Variants in GOLGA1 observed in about 807,000 individuals in gnomAD.
GOLGA1 encodes golgin A1.
In GOLGA1, 63 loss-of-function variants were observed where a neutral mutation model predicts 119.7. The ratio of observed to expected loss-of-function variants is 0.53; its 90% CI spans 0.43 to 0.65. GOLGA1 has a LOEUF of 0.65. Among genes scored for constraint, GOLGA1 ranks in the 30% least tolerant of loss-of-function variants. The pLI, the probability that GOLGA1 is intolerant of heterozygous loss-of-function variation, is 0.00. For missense variants in GOLGA1, 798 were observed against 912.8 expected, an observed-to-expected ratio of 0.87 and a Z score of 1.62; for synonymous variants, 318 against 333.4, an observed-to-expected ratio of 0.95 and a Z score of 0.50.
Position 124,889,551 on chromosome 9 carries a change from TC to T in GOLGA1, c.1498-16del, listed in dbSNP as rs777457162. On this transcript the variant is annotated splice_polypyrimidine_tract_variant and intron_variant, in intron 16 of 22. Transcript: ENST00000373555. ...AGGTTAGCTGCCTTGGAGAGAAAAA[TC>T]AACAAGAGGGAAGGTTGTGAGCAGT... The T allele has an allele frequency of 6.5e-7, 1 of 1,529,478 alleles. No homozygotes were observed. 94.7% of individuals were successfully genotyped at this position (1,529,478 alleles called of 1,614,324 possible).
chr9:124,911,997 G>A lies in GOLGA1; in HGVS notation c.873C>T (p.Asp291=), dbSNP rs111383144. The part of the protein sequence containing the change: ...KVTAETQEKE[D]VITHLQEKVA... ...CCTTCTCTTGCAAATGTGTGATAAC[G>A]TCTTCTTTCTCTTGAGTTTCAGCAG... The change falls in exon 11 of 23, where the codon GAC becomes GAT. Residue 291 remains aspartate (D), a synonymous_variant. Coordinates refer to ENST00000373555, the MANE Select transcript of GOLGA1 (RefSeq NM_002077.4). 9.9e-6 allele frequency: 16 copies of A among 1,612,848 alleles called. 1 individual carries two copies. In the African/African-American group the frequency reaches 1.2e-4, roughly 12 times the overall value.
At chr9:124,921,386 G>T (rs991213694) in intron 9 of GOLGA1, 146 bp from the exon 10 acceptor site, 4 of 639,918 alleles carry the variant, frequency 6.3e-6, no homozygotes, top group Non-Finnish European at 1.1e-5. Flanking sequence ...AAAAAGCCTC[G>T]GCTCTCTCTG....
chr9:124,884,695 A>G (rs1342101969), intron 19 of GOLGA1, among the ~76,000 whole-genome samples: 1 of 152,142 alleles, frequency 6.6e-6, no homozygotes, highest in African/African-American at 2.4e-5. Flanking sequence ...GTAAAATGGC[A>G]CCTTGTGGCT....
chr9:124,899,452 A>G lies in GOLGA1; in HGVS notation c.1188T>C (p.His396=). 2.6e-6 allele frequency: 4 copies of G among 1,547,914 alleles called. No individual in the cohort carries two copies. Among genetic ancestry groups the G allele is most frequent in the East Asian group, 2.4e-5 (1 of 41,302 alleles). ...ELAAANQESS[H]VQQQALALEQ... is the part of the protein sequence containing the mutation. ...CCAGAGCAAGGGCCTGCTGCTGCAC[A>G]TGGCTGCTCTCCTGGTTGGCGGCAG... Residue 396 remains histidine, a synonymous_variant, in exon 14 of 23, where the codon CAT becomes CAC. Transcript: ENST00000373555.
chr9:124,930,311 G>A (rs1198858596), intron 4 of GOLGA1, among the ~76,000 whole-genome samples: 1 of 152,144 alleles, frequency 6.6e-6, no homozygotes, highest in Non-Finnish European at 1.5e-5. Flanking sequence ...TATTATTTAT[G>A]GGTAGGAGTA....
intron 13 of GOLGA1, among the ~76,000 whole-genome samples, chr9:124,899,791 C>T (rs1162891978): frequency 6.6e-6 from 1 of 152,216 alleles, no homozygotes; most frequent in Admixed American, 6.5e-5. Context: ...GCGGCTTTCC[C>T]TGGGGAGAAA....
rs1320352780 is a variant in GOLGA1, at chr9:124,881,544, C to T, written c.2136+240G>A. On this transcript the variant is annotated intron_variant, in intron 21 of 22. Transcript: ENST00000373555. The surrounding 1 kb of genome is among the most constrained non-coding windows in gnomAD (Gnocchi z 4.9). Reference sequence around the variant, plus strand: ...GGCTTCCGGCCTCTGGCCTCAGCACCCAGGCCAGGATTTAGAAGTGGAGCC... The same window carrying T: ...GGCTTCCGGCCTCTGGCCTCAGCACTCAGGCCAGGATTTAGAAGTGGAGCC... Among the ~76,000 whole-genome samples, 3 of 152,204 alleles carry T rather than the reference C, an allele frequency of 2.0e-5. No individual in the cohort carries two copies. The highest frequency in any genetic ancestry group is 4.4e-5 in the Non-Finnish European group (3 of 68,044).
At chr9:124,884,655 T>C (rs1489450553) in intron 19 of GOLGA1, among the ~76,000 whole-genome samples, 2 of 152,168 alleles carry the variant, frequency 1.3e-5, no homozygotes, top group African/African-American at 4.8e-5. Context: ...CTGTGAGGCA[T>C]CTTAAGTGAC....
At chr9:124,933,074 C>A (rs1030187045) in intron 3 of GOLGA1, among the ~76,000 whole-genome samples, 1 of 152,082 alleles carries the variant, frequency 6.6e-6, no homozygotes, top group African/African-American at 2.4e-5. Context: ...TAGGAGACAT[C>A]CTATGTCTCA....
At chr9:124,897,113 G>C (rs1830001433) in intron 15 of GOLGA1, among the ~76,000 whole-genome samples, 1 of 152,046 alleles carries the variant, frequency 6.6e-6, no homozygotes. Context: ...CTTCAGTCTA[G>C]AATATTTCTC....
In GOLGA1 at chr9:124,924,716, GA is replaced by G. The variant is rs773241388; in HGVS notation, c.433-1494del. ...CTGTTACAGTTTCTAACTCTTGACT[GA>G]AAAAAAAAAAAAAAACTTTAACGAT... On this transcript the variant is annotated intron_variant, in intron 7 of 22. Transcript: ENST00000373555. Among the ~76,000 whole-genome samples the G allele has an allele frequency of 4.9e-3, 556 of 113,622 alleles. 1 individual carries two copies. The highest frequency in any genetic ancestry group is 0.011 in the African/African-American group (327 of 30,612). 74.5% of individuals were successfully genotyped at this position (113,622 alleles called of 152,430 possible).
chr9:124,937,290 A>C (rs1489029414), intron 3 of GOLGA1, among the ~76,000 whole-genome samples: 1 of 152,058 alleles, frequency 6.6e-6, no homozygotes, highest in African/African-American at 2.4e-5. Context: ...TGTCTCTACT[A>C]AAAATACAAA....
chr9:124,899,360 G>A lies in GOLGA1; in HGVS notation c.1280C>T (p.Ala427Val), dbSNP rs1216397168. The A allele has an allele frequency of 1.3e-6, 2 of 1,549,648 alleles. No homozygotes were observed. The highest frequency in any genetic ancestry group is 1.7e-4 in the Middle Eastern group (1 of 5,992). ...TTGCTCTGCGGTGGTCTGGTCAGCT[G>A]CCCGCGTTCTCTCCAGGGCCACTAT... ...AQIVALERTR[A>V]ADQTTAEQGM... Residue 427 changes from alanine (A) to valine (V), a missense_variant, in exon 14 of 23, where the codon GCA (alanine) becomes GTA (valine). By Grantham distance (64) the Ala-to-Val change is moderately conservative (BLOSUM62 0). Transcript: ENST00000373555.
At chr9:124,928,052 A>G in intron 6 of GOLGA1, 136 bp downstream of exon 6, 1 of 515,644 alleles carries the variant, frequency 1.9e-6, no homozygotes. Flanking sequence ...AAGGCCAAAG[A>G]AAACCTTAAC....
At chr9:124,912,785 A>G (rs1830366507) in intron 10 of GOLGA1, among the ~76,000 whole-genome samples, 1 of 152,078 alleles carries the variant, frequency 6.6e-6, no homozygotes, top group Non-Finnish European at 1.5e-5. Flanking sequence ...CTCATGATCC[A>G]CTAGCCTCGG....
chr9:124,935,333 T>C (rs1487684502), intron 3 of GOLGA1, among the ~76,000 whole-genome samples: 2 of 152,234 alleles, frequency 1.3e-5, no homozygotes, highest in African/African-American at 4.8e-5. Context: ...ATATTTTAAA[T>C]GATATGCATT....
rs764108917 is a variant in GOLGA1 at position 124,879,718 on chromosome 9, G to A, written c.*812C>T. ...TTTCCTCTGGACGCTCTGATTTTAA[G>A]AACACCAGTTAAATGGATTTTATAG... On this transcript the variant is annotated 3_prime_UTR_variant, in exon 23 of 23. Transcript: ENST00000373555. 4.0e-5 allele frequency: 6 copies of A among 150,762 alleles called. No individual in the cohort carries two copies. Among genetic ancestry groups the A allele is most frequent in the Non-Finnish European group, 7.4e-5 (5 of 67,788 alleles). The allele number at this position is 150,762 out of a possible 1,614,324, so 9.3% of individuals were successfully genotyped here. A position where few individuals can be genotyped will look rare whatever the true frequency, so the allele number is the denominator to read the frequency against.
chr9:124,893,040 A>G (rs1588062619), intron 15 of GOLGA1, among the ~76,000 whole-genome samples: 1 of 152,138 alleles, frequency 6.6e-6, no homozygotes, highest in African/African-American at 2.4e-5. Flanking sequence ...TTGCTCTATC[A>G]CCCAGGCTGC....
At chr9:124,918,043 G>C (rs1433527422) in intron 10 of GOLGA1, among the ~76,000 whole-genome samples, 2 of 151,930 alleles carry the variant, frequency 1.3e-5, no homozygotes, top group African/African-American at 4.8e-5. Context: ...GTAGAGACAG[G>C]GTTTCTCCAT....
Sources: gnomAD v4.1 joint callset for allele counts (sites outside exome capture counted in the v4.1 genomes callset) on GRCh38, gnomAD v4.1.1 for gene constraint, Gnocchi (gnomAD v3.1) non-coding constraint, MANE v1.5 for transcripts, NCBI Gene and HGNC (gene_info 2026-07-23, HGNC 2026-07-21) for gene names.